CYP2F1: variants seen among roughly 807,000 people sequenced by gnomAD.
CYP2F1 encodes the protein cytochrome P450 family 2 subfamily F member 1.
In CYP2F1, 33 loss-of-function variants were observed where a neutral mutation model predicts 40.4. That is an observed-to-expected ratio of 0.82 (90% CI 0.62 to 1.09). The LOEUF is 1.09. CYP2F1 is among the 50% of genes least tolerant of loss of function. CYP2F1 has a pLI of 0.00. For missense variants in CYP2F1, 566 were observed against 655.7 expected, an observed-to-expected ratio of 0.86 and a Z score of 1.49; for synonymous variants, 235 against 277.2, an observed-to-expected ratio of 0.85 and a Z score of 1.51.
intron 9 of CYP2F1, among the ~76,000 whole-genome samples, chr19:41,127,263 A>G (rs1483597035): frequency 3.9e-5 from 6 of 152,200 alleles, no homozygotes; most frequent in African/African-American, 4.8e-5. Flanking sequence ...GGCCCATGGT[A>G]AGCTACTTAC....
chr19:41,116,406 G>T, intron 2 of CYP2F1, 47 bp downstream of exon 2: 1 of 1,608,876 alleles, frequency 6.2e-7, no homozygotes, highest in South Asian at 1.1e-5. Context: ...AAGGAGGAGG[G>T]GTCCCATGGC....
intron 2 of CYP2F1, 32 bp from the exon 3 acceptor site, chr19:41,116,423 C>A (rs2031809912): frequency 6.2e-7 from 1 of 1,607,402 alleles, no homozygotes; most frequent in African/African-American, 1.3e-5. Context: ...TGGCCACAGG[C>A]CCCCCTGTAA....
chr19:41,125,454 C>T (rs1193889947), intron 8 of CYP2F1, 39 bp from the exon 9 acceptor site: 2 of 1,138,914 alleles, frequency 1.8e-6, no homozygotes, highest in Admixed American at 2.2e-5. Flanking sequence ...AGCCTCCCAG[C>T]CCTCCTACAC....
rs533058680 is a variant in CYP2F1, at chr19:41,121,366, G to A, written c.485-92G>A. The A allele has an allele frequency of 1.1e-4, 149 of 1,303,904 alleles. 9 individuals are homozygous for A. The African/African-American group carries it at 2.2e-3, about 19-fold the overall frequency. 80.8% of individuals were successfully genotyped at this position (1,303,904 alleles called of 1,614,324 possible). On this transcript the variant is annotated intron_variant, in intron 4 of 9. Transcript: ENST00000331105. ...CCGTAAGACACGTTGCCATGGTTGA[G>A]TCGGATGTTGTACAAATTAATGGTG...
At chr19:41,118,961 C>T (rs538665580) in intron 3 of CYP2F1, among the ~76,000 whole-genome samples, 2 of 152,132 alleles carry the variant, frequency 1.3e-5, no homozygotes, top group African/African-American at 2.4e-5. Flanking sequence ...TAGTAGGTCC[C>T]AGTCCAGTGG....
intron 9 of CYP2F1, among the ~76,000 whole-genome samples, chr19:41,127,324 C>G (rs1447064134): frequency 1.3e-5 from 2 of 152,120 alleles, no homozygotes; most frequent in African/African-American, 2.4e-5. Context: ...TCATGAGGCA[C>G]TATTACTATC....
chr19:41,118,223 G>T (rs1244531295), intron 3 of CYP2F1, among the ~76,000 whole-genome samples: 1 of 151,982 alleles, frequency 6.6e-6, no homozygotes, highest in East Asian at 1.9e-4. Context: ...TGGAAGGAAG[G>T]AGGGACCAAC....
At chr19:41,122,331 C>G (rs1338398489) in intron 6 of CYP2F1, among the ~76,000 whole-genome samples, 198 bp downstream of exon 6, 3 of 151,948 alleles carry the variant, frequency 2.0e-5, no homozygotes, top group Non-Finnish European at 4.4e-5. Context: ...AAGAAGTCAT[C>G]AAAGGAGGTG....
intron 7 of CYP2F1, 34 bp downstream of exon 7, chr19:41,122,997 C>T: frequency 6.3e-7 from 1 of 1,593,780 alleles, no homozygotes; most frequent in Admixed American, 1.8e-5. Flanking sequence ...GTGGAGGTGC[C>T]CATGTGTTCC....
rs1288754319 is a variant in CYP2F1 at position 41,121,940 on chromosome 19, C to T, written c.646-17C>T. On this transcript the variant is annotated splice_polypyrimidine_tract_variant and intron_variant, in intron 5 of 9. Coordinates refer to ENST00000331105, the MANE Select transcript of CYP2F1 (RefSeq NM_000774.5). ...TTTGTCCTCCTCCAAAACCCTCCTACTCTGTCTGGTCCCCAGTTGTACGAC... is the reference window on the plus strand; with the variant it reads ...TTTGTCCTCCTCCAAAACCCTCCTATTCTGTCTGGTCCCCAGTTGTACGAC... 6.2e-7 allele frequency: 1 copy of T among 1,611,310 alleles called. No homozygotes were observed. Among genetic ancestry groups the T allele is most frequent in the East Asian group, 2.2e-5 (1 of 44,846 alleles).
At chr19:41,126,419 C>T (rs1055080547) in intron 9 of CYP2F1, among the ~76,000 whole-genome samples, 8 of 150,836 alleles carry the variant, frequency 5.3e-5, no homozygotes, top group African/African-American at 2.0e-4. Context: ...GAACAAAACT[C>T]CATCTCAAAA....
In CYP2F1 at chr19:41,116,568, T is replaced by C; in HGVS notation, c.285T>C (p.Phe95=). The C allele has an allele frequency of 6.2e-7, 1 of 1,614,004 alleles. No homozygotes were observed. Among genetic ancestry groups the C allele is most frequent in the Non-Finnish European group, 8.5e-7 (1 of 1,179,956 alleles). Residue 95 remains phenylalanine (F), a synonymous_variant, in exon 3 of 10, where the codon TTT becomes TTC. Transcript: ENST00000331105. ...KEALVDQGEE[F]SGRGDYPAFF... ...CCCTGGTGGACCAGGGAGAGGAGTT[T>C]AGTGGCCGCGGTGACTACCCTGCCT...
At chr19:41,120,639 AC>A in intron 4 of CYP2F1, 143 bp downstream of exon 4, 1 of 915,646 alleles carries the variant, frequency 1.1e-6, no homozygotes, top group Non-Finnish European at 1.7e-6. Flanking sequence ...GCTCCACCAC[AC>A]CCAGCTTATT....
chr19:41,127,899 A>G lies in CYP2F1; in HGVS notation c.1295-2A>G, dbSNP rs751008828. 1.7e-5 allele frequency: 28 copies of G among 1,610,248 alleles called. 1 individual carries two copies. The South Asian group carries it at 3.1e-4, about 18-fold the overall frequency. On this transcript the variant is annotated splice_acceptor_variant, in intron 9 of 9. Coordinates refer to ENST00000331105, the MANE Select transcript of CYP2F1 (RefSeq NM_000774.5). LOFTEE classifies it high-confidence loss of function. ...CCGCTCCCCATCCTGCCACCCCTGC[A>G]GGGCGCCGTCTGTGCCTGGGAGAGT... is the stretch of plus-strand genomic sequence containing the variant.
At chr19:41,123,199 C>T (rs1273788986) in intron 7 of CYP2F1, 1 of 640,696 alleles carries the variant, frequency 1.6e-6, no homozygotes, top group Non-Finnish European at 2.9e-6. Flanking sequence ...GTTTTTTTGT[C>T]TTTGTTTTGT....
At position 41,124,816 on chromosome 19, in the gene CYP2F1, C is replaced by T. The variant is rs2032458913; in HGVS notation, c.1062C>T (p.His354=). ...TGCCTTACACAGACGCGGTGATCCA[C>T]GAGGTGCAGCGCTTTGCAGACATCA... The part of the protein sequence containing the change: ...AAMPYTDAVI[H]EVQRFADIIP... Residue 354 remains histidine (H), a synonymous_variant, in exon 8 of 10, where the codon CAC becomes CAT. Transcript: ENST00000331105. 1 of 1,611,598 alleles carries T rather than the reference C, an allele frequency of 6.2e-7. No homozygotes were observed. The highest frequency in any genetic ancestry group is 8.5e-7 in the Non-Finnish European group (1 of 1,179,760).
At chr19:41,123,189 GT>G in intron 7 of CYP2F1, 1 of 664,658 alleles carries the variant, frequency 1.5e-6, no homozygotes, top group Non-Finnish European at 2.8e-6. Context: ...TTAATTGTTG[GT>G]TTTTTTGTCT....
intron 1 of CYP2F1, among the ~76,000 whole-genome samples, chr19:41,115,802 A>T (rs2031759912): frequency 6.6e-6 from 1 of 152,194 alleles, no homozygotes; most frequent in South Asian, 2.1e-4. Flanking sequence ...AAAGGAAGGA[A>T]GGAAGGAAAG....
intron 4 of CYP2F1, 69 bp downstream of exon 4, chr19:41,120,565 T>A: frequency 1.3e-6 from 2 of 1,564,024 alleles, no homozygotes; most frequent in South Asian, 2.3e-5. Context: ...GATGGCAGCC[T>A]TGACCTCCTG....
Sources: gnomAD v4.1 joint callset for allele counts (sites outside exome capture counted in the v4.1 genomes callset) on GRCh38, gnomAD v4.1.1 for gene constraint, MANE v1.5 for transcripts, NCBI Gene and HGNC (gene_info 2026-07-23, HGNC 2026-07-21) for gene names.